Variants in LINGO2 observed in about 807,000 individuals in gnomAD.
LINGO2 encodes leucine rich repeat and Ig domain containing 2.
A neutral mutation model predicts 30.6 loss-of-function variants in LINGO2; 14 were observed. That is an observed-to-expected ratio of 0.46 (90% CI 0.30 to 0.72). The LOEUF is 0.72. LINGO2 is among the 30% of genes least tolerant of loss of function. The pLI, the probability that LINGO2 is intolerant of heterozygous loss-of-function variation, is 0.07. For synonymous variants in LINGO2, 317 were observed against 288.5 expected (o/e 1.10, Z -1.00); for missense variants, 729 against 751.7 (o/e 0.97, Z 0.35).
intron 4 of LINGO2, among the ~76,000 whole-genome samples, chr9:28,225,616 T>C (rs540326322): frequency 3.3e-5 from 5 of 152,118 alleles, no homozygotes; most frequent in Admixed American, 2.0e-4. Context: ...TCAATAAATA[T>C]AATGAACAAA....
the LINGO2 span, among the ~76,000 whole-genome samples, chr9:29,191,874 C>T: frequency 6.6e-6 from 1 of 151,870 alleles, no homozygotes; most frequent in Admixed American, 6.6e-5. Flanking sequence ...TTCTTACGAA[C>T]CTGATCATAT....
At chr9:27,971,091 T>G (rs1234549605) in intron 5 of LINGO2, among the ~76,000 whole-genome samples, 1 of 152,078 alleles carries the variant, frequency 6.6e-6, no homozygotes, top group Admixed American at 6.6e-5. Flanking sequence ...TTTTATTTTT[T>G]ATTTAAAATA....
chr9:29,047,153 TG>T, the LINGO2 span, among the ~76,000 whole-genome samples: 3 of 151,690 alleles, frequency 2.0e-5, no homozygotes, highest in Non-Finnish European at 4.4e-5. Flanking sequence ...GCATCCCCTA[TG>T]CATCCAACAA....
At chr9:27,978,219 T>C (rs1208309004) in intron 5 of LINGO2, among the ~76,000 whole-genome samples, 3 of 152,080 alleles carry the variant, frequency 2.0e-5, no homozygotes, top group African/African-American at 7.2e-5. Flanking sequence ...TTCTTTAGAT[T>C]CTAAATGAGC....
At chr9:28,776,529 C>G in the LINGO2 span, among the ~76,000 whole-genome samples, 18 of 152,136 alleles carry the variant, frequency 1.2e-4, no homozygotes, top group African/African-American at 4.3e-4. Flanking sequence ...TAATCCTTCC[C>G]TAGAGTATCT....
At chr9:29,008,732 G>T in the LINGO2 span, among the ~76,000 whole-genome samples, 998 of 152,178 alleles carry the variant, frequency 6.6e-3, 15 homozygotes, top group African/African-American at 0.023. Context: ...CTTCTTTTGA[G>T]AAGTGTCTGT....
intron 1 of LINGO2, among the ~76,000 whole-genome samples, chr9:28,584,550 C>T (rs1438070540): frequency 6.6e-6 from 1 of 150,642 alleles, no homozygotes; most frequent in African/African-American, 2.4e-5. Context: ...AGGAATTGAC[C>T]AAAAAAAAAT....
chr9:28,378,874 A>G (rs1196050362), intron 2 of LINGO2, among the ~76,000 whole-genome samples: 3 of 152,124 alleles, frequency 2.0e-5, no homozygotes, highest in African/African-American at 7.2e-5. Context: ...TCATGAGTTC[A>G]GGGAAGAAAG....
the LINGO2 span, among the ~76,000 whole-genome samples, chr9:28,703,011 T>C: frequency 6.6e-6 from 1 of 151,620 alleles, no homozygotes; most frequent in Non-Finnish European, 1.5e-5. Flanking sequence ...GTAATTTTTA[T>C]CTTTTTTTTT....
chr9:28,916,114 C>T, the LINGO2 span, among the ~76,000 whole-genome samples: 826 of 152,218 alleles, frequency 5.4e-3, 12 homozygotes, highest in African/African-American at 0.019. Context: ...GGAATTCAGG[C>T]ATGATTGACC....
At chr9:29,185,203 G>A in the LINGO2 span, among the ~76,000 whole-genome samples, 1 of 152,066 alleles carries the variant, frequency 6.6e-6, no homozygotes, top group Non-Finnish European at 1.5e-5. Context: ...GATGGTGGCA[G>A]CAGGAATCCA....
the LINGO2 span, among the ~76,000 whole-genome samples, chr9:28,985,811 A>G: frequency 6.6e-6 from 1 of 151,922 alleles, no homozygotes; most frequent in Admixed American, 6.6e-5. Flanking sequence ...CCCAATCCCT[A>G]AGTTTTTTAT....
At chr9:29,112,300 T>C in the LINGO2 span, among the ~76,000 whole-genome samples, 1 of 152,134 alleles carries the variant, frequency 6.6e-6, no homozygotes, top group Non-Finnish European at 1.5e-5. Context: ...CTTGTGAACT[T>C]GGCAGAAGTG....
At chr9:28,637,774 C>T (rs1172260044) in intron 1 of LINGO2, among the ~76,000 whole-genome samples, 2 of 152,116 alleles carry the variant, frequency 1.3e-5, no homozygotes, top group Non-Finnish European at 2.9e-5. Context: ...CAAACAGGGA[C>T]AATTTGACTT....
At chr9:28,785,283 G>A in the LINGO2 span, among the ~76,000 whole-genome samples, 2 of 152,070 alleles carry the variant, frequency 1.3e-5, no homozygotes, top group Non-Finnish European at 1.5e-5. Context: ...ATGACATCAA[G>A]GCATCATTGA....
In LINGO2 at chr9:28,472,233, A is replaced by T. The variant is rs74329193; in HGVS notation, c.-279+3707T>A. ...ACAAATATTGCTTAACCTATGATAC[A>T]TGGTTATTTTATATACCAGAAAACA... On this transcript the variant is annotated intron_variant, in intron 2 of 5. Coordinates refer to ENST00000379992, the Ensembl canonical transcript of LINGO2. Among the ~76,000 whole-genome samples the T allele has an allele frequency of 5.9e-3, 892 of 152,174 alleles. 5 individuals carry two copies. Among genetic ancestry groups the T allele is most frequent in the Middle Eastern group, 0.014 (4 of 292 alleles).
At chr9:28,038,692 CAAAAA>C (rs35216202) in intron 4 of LINGO2, among the ~76,000 whole-genome samples, 2 of 118,864 alleles carry the variant, frequency 1.7e-5, no homozygotes, top group Non-Finnish European at 1.8e-5. Context: ...GACTCCGTCT[CAAAAA>C]AAAAAAAAAA....
the LINGO2 span, among the ~76,000 whole-genome samples, chr9:28,704,652 A>G: frequency 6.6e-6 from 1 of 151,942 alleles, no homozygotes; most frequent in Non-Finnish European, 1.5e-5. Context: ...GCACATCTTC[A>G]AGCTGAGAGA....
the LINGO2 span, among the ~76,000 whole-genome samples, chr9:29,087,335 C>CA: frequency 6.6e-6 from 1 of 152,264 alleles, no homozygotes; most frequent in South Asian, 2.1e-4. Flanking sequence ...ATAAATATAG[C>CA]AGAGTTCTTG....
Sources: gnomAD v4.1 joint callset for allele counts (sites outside exome capture counted in the v4.1 genomes callset) on GRCh38, gnomAD v4.1.1 for gene constraint, MANE v1.5 for transcripts, NCBI Gene and HGNC (gene_info 2026-07-23, HGNC 2026-07-21) for gene names.